The following CLDN16 variants were observed in gnomAD, a reference collection of about 807,000 sequenced individuals.
CLDN16 encodes the protein claudin-16.
CLDN16 carries 13 observed loss-of-function variants against 24.6 expected under a neutral mutation model. The ratio of observed to expected loss-of-function variants is 0.53; its 90% CI spans 0.34 to 0.84. The LOEUF (loss-of-function observed/expected upper bound fraction) is 0.84. Among genes scored for constraint, CLDN16 ranks in the 40% least tolerant of loss-of-function variants. The pLI, the probability that CLDN16 is intolerant of heterozygous loss-of-function variation, is 0.01. For missense variants in CLDN16, 298 were observed against 292.7 expected, an observed-to-expected ratio of 1.02 and a Z score of -0.13; for synonymous variants, 116 against 106.7, an observed-to-expected ratio of 1.09 and a Z score of -0.54.
intron 1 of CLDN16, among the ~76,000 whole-genome samples, chr3:190,361,719 A>AT (rs140974461): frequency 0.088 from 13,197 of 149,986 alleles, 710 homozygotes; most frequent in African/African-American, 0.15. Flanking sequence ...CCAAGAAATC[A>AT]TTTTTTTTTT....
intron 1 of CLDN16, among the ~76,000 whole-genome samples, chr3:190,337,905 C>T (rs1286310731): frequency 6.6e-6 from 1 of 152,158 alleles, no homozygotes; most frequent in Non-Finnish European, 1.5e-5. Flanking sequence ...TCCTATGATA[C>T]ATTGAATCAA....
the CLDN16 span, among the ~76,000 whole-genome samples, chr3:190,290,392 A>G: frequency 6.6e-6 from 1 of 152,338 alleles, no homozygotes; most frequent in African/African-American, 2.4e-5. Flanking sequence ...TGTGAAGGCT[A>G]AAAGAATGGC....
chr3:190,363,387 A>C (rs181233196), intron 1 of CLDN16, among the ~76,000 whole-genome samples: 1 of 151,002 alleles, frequency 6.6e-6, no homozygotes, highest in Non-Finnish European at 1.5e-5. Context: ...CACATTTTTA[A>C]TTGTTATTTT....
At chr3:190,363,810 C>T (rs1717960027) in intron 1 of CLDN16, among the ~76,000 whole-genome samples, 1 of 151,344 alleles carries the variant, frequency 6.6e-6, no homozygotes, top group African/African-American at 2.4e-5. Context: ...TTGCACCTAC[C>T]CGGATAGATT....
chr3:190,353,920 A>G (rs1272862147), intron 1 of CLDN16, among the ~76,000 whole-genome samples: 2 of 152,028 alleles, frequency 1.3e-5, no homozygotes, highest in Non-Finnish European at 2.9e-5. Context: ...TTCGCTCCCA[A>G]TTCTGAGGGC....
the CLDN16 span, among the ~76,000 whole-genome samples, chr3:190,302,844 G>A: frequency 6.6e-6 from 1 of 150,490 alleles, no homozygotes; most frequent in Non-Finnish European, 1.5e-5. Flanking sequence ...TCTGGTAAGA[G>A]TATATTACCA....
intron 1 of CLDN16, among the ~76,000 whole-genome samples, chr3:190,396,810 C>T (rs1421234972): frequency 6.6e-6 from 1 of 152,116 alleles, no homozygotes; most frequent in Admixed American, 6.5e-5. Flanking sequence ...AATGAAAAAA[C>T]AGAAGTCTTT....
chr3:190,295,196 ATTGTGTGG>A, the CLDN16 span, among the ~76,000 whole-genome samples: 57 of 152,258 alleles, frequency 3.7e-4, no homozygotes, highest in East Asian at 8.9e-3. Context: ...TTAAGATGAG[ATTGTGTGG>A]TTGTCAGGTA....
chr3:190,339,377 G>T (rs796914291), intron 1 of CLDN16, among the ~76,000 whole-genome samples: 4 of 152,290 alleles, frequency 2.6e-5, no homozygotes, highest in African/African-American at 9.6e-5. Context: ...CTTCATTTGT[G>T]TGTGACATTG....
chr3:190,402,306 T>G, intron 1 of CLDN16, 31 bp from the exon 2 acceptor site: 1 of 1,528,470 alleles, frequency 6.5e-7, no homozygotes, highest in Non-Finnish European at 9.1e-7. Context: ...CTGCATGAAT[T>G]GTTTCACACG....
chr3:190,354,761 A>G (rs766575471), intron 1 of CLDN16, among the ~76,000 whole-genome samples: 30 of 152,044 alleles, frequency 2.0e-4, no homozygotes, highest in Non-Finnish European at 3.4e-4. Flanking sequence ...AGAATGAAGC[A>G]AACAGCTAGC....
At position 190,408,380 on chromosome 3, in the gene CLDN16, T is replaced by A. The variant is rs1302134732; in HGVS notation, c.449T>A (p.Val150Asp). ...GTGTATGTGGAACGTTCTACTTTGGTTTTGCACAATATATTTCTTGGTATC... is the reference window on the plus strand; with the variant it reads ...GTGTATGTGGAACGTTCTACTTTGGATTTGCACAATATATTTCTTGGTATC... ...VDVYVERSTL[V>D]LHNIFLGIQY... Residue 150 changes from valine to aspartate, a missense_variant, in exon 4 of 5, where the codon GTT becomes GAT. Physicochemically the swap from Val to Asp is radical, Grantham distance 152. Coordinates refer to ENST00000264734, the MANE Select transcript of CLDN16 (RefSeq NM_006580.4). The A allele has an allele frequency of 6.2e-7, 1 of 1,613,996 alleles. No homozygotes were observed. Among genetic ancestry groups the A allele is most frequent in the Non-Finnish European group, 8.5e-7 (1 of 1,180,012 alleles).
chr3:190,297,692 T>C, the CLDN16 span, among the ~76,000 whole-genome samples: 1 of 141,448 alleles, frequency 7.1e-6, no homozygotes, highest in African/African-American at 2.6e-5. Context: ...TATTAATATA[T>C]AAATATATAA....
chr3:190,375,536 T>C (rs953141333), intron 3 of CLDN16, among the ~76,000 whole-genome samples: 3 of 152,000 alleles, frequency 2.0e-5, no homozygotes, highest in African/African-American at 7.2e-5. Context: ...GATTTAGACA[T>C]TGCTACACAA....
intron 1 of CLDN16, among the ~76,000 whole-genome samples, chr3:190,355,275 A>G (rs1415695586): frequency 6.6e-6 from 1 of 151,850 alleles, no homozygotes; most frequent in Non-Finnish European, 1.5e-5. Context: ...GATGTCTTTA[A>G]CTTTGTTTTT....
chr3:190,329,386 G>A (rs1717136242), intron 1 of CLDN16, among the ~76,000 whole-genome samples: 3 of 152,158 alleles, frequency 2.0e-5, no homozygotes, highest in African/African-American at 7.2e-5. Context: ...CATTACTTGT[G>A]TTCCTAAAGG....
In CLDN16 at chr3:190,408,431, G is replaced by C. The variant is rs1453219704; in HGVS notation, c.500G>C (p.Trp167Ser). 4 of 1,614,002 alleles carry C rather than the reference G, an allele frequency of 2.5e-6. No homozygotes were observed. The highest frequency in any genetic ancestry group is 2.5e-6 in the Non-Finnish European group (3 of 1,180,016). Residue 167 changes from tryptophan to serine, a missense_variant, in exon 4 of 5, where the codon TGG becomes TCG. Coordinates refer to ENST00000264734, the MANE Select transcript of CLDN16 (RefSeq NM_006580.4). ...GIQYKFGWSC[W>S]LGMAGSLGCF... ...CAATATAAATTTGGTTGGTCCTGTT[G>C]GCTCGGAATGGCTGGGTCTCTGGGT... is the stretch of plus-strand genomic sequence containing the variant.
chr3:190,310,064 T>C, the CLDN16 span: 2 of 909,706 alleles, frequency 2.2e-6, no homozygotes, highest in East Asian at 5.0e-5. Flanking sequence ...TGACATAAAA[T>C]TCTTGAAAGC....
At chr3:190,383,918 C>A (rs922612898), upstream of CLDN16, among the ~76,000 whole-genome samples, 1 of 152,170 alleles carries the variant, frequency 6.6e-6, no homozygotes, top group Admixed American at 6.6e-5. Flanking sequence ...GAGTTCTATG[C>A]ACTTCATTAA....
Sources: allele counts gnomAD v4.1 joint callset (sites outside exome capture counted in the v4.1 genomes callset), GRCh38; gene constraint gnomAD v4.1.1; transcripts MANE v1.5; gene names NCBI Gene and HGNC (gene_info 2026-07-23, HGNC 2026-07-21).